The following FGF5 variants were observed in gnomAD, a reference collection of about 807,000 sequenced individuals.
FGF5 encodes the protein heparin-binding growth factor 5.
FGF5 carries 23 observed loss-of-function variants against 21.8 expected under a neutral mutation model. That is an observed-to-expected ratio of 1.05 (90% CI 0.76 to 1.49). The LOEUF (loss-of-function observed/expected upper bound fraction) is 1.49, where lower values mean the gene tolerates loss of function less well. FGF5 is among the 40% of genes most tolerant of loss of function. The pLI is 0.00. For synonymous variants in FGF5, 158 were observed against 124.0 expected (o/e 1.27, Z -1.82); for missense variants, 352 against 332.9 (o/e 1.06, Z -0.45).
rs922590042 is a variant in FGF5, at chr4:80,289,959, T to C, written c.*3287T>C. 1.4e-4 allele frequency: 21 copies of C among 152,200 alleles called. No homozygotes were observed. Among genetic ancestry groups the C allele is most frequent in the African/African-American group, 5.1e-4 (21 of 41,460 alleles). The allele number at this position is 152,200 out of a possible 1,614,324, so 9.4% of individuals were successfully genotyped here. A position where few individuals can be genotyped will look rare whatever the true frequency, so the allele number is the denominator to read the frequency against. On this transcript the variant is annotated 3_prime_UTR_variant, in exon 3 of 3. Transcript: ENST00000312465. ...ATCATAAATCTGGTAGGTAAATTTCTTATTAAATCAATCTTGAAATAGAAA... is the reference window on the plus strand; with the variant it reads ...ATCATAAATCTGGTAGGTAAATTTCCTATTAAATCAATCTTGAAATAGAAA...
chr4:80,278,306 A>G (rs1199857843), intron 2 of FGF5, among the ~76,000 whole-genome samples: 2 of 152,144 alleles, frequency 1.3e-5, no homozygotes, highest in Non-Finnish European at 2.9e-5. Context: ...TTATAGTTAA[A>G]ATTGTAAATT....
chr4:80,281,455 CT>C (rs1384340789), intron 2 of FGF5, among the ~76,000 whole-genome samples: 2 of 151,996 alleles, frequency 1.3e-5, no homozygotes, highest in South Asian at 2.1e-4. Context: ...TTATATTTGG[CT>C]TTTTTTCCCT....
At chr4:80,269,424 C>T (rs1182467461) in intron 1 of FGF5, among the ~76,000 whole-genome samples, 5 of 152,028 alleles carry the variant, frequency 3.3e-5, no homozygotes, top group Non-Finnish European at 7.4e-5. Context: ...CAGCTTAGGC[C>T]TTGCTAGAGG....
Position 80,288,341 on chromosome 4 carries a change from T to TA in FGF5, c.*1675dup, listed in dbSNP as rs1265537912. ...CACATATATATAACAAATAATATATTAAAAAACCCATCCATCAACTAAAAC... is the reference window on the plus strand; with the variant it reads ...CACATATATATAACAAATAATATATTAAAAAAACCCATCCATCAACTAAAAC... On this transcript the variant is annotated 3_prime_UTR_variant, in exon 3 of 3. Transcript: ENST00000312465. 1 of 152,028 alleles carries TA rather than the reference T, an allele frequency of 6.6e-6. No individual in the cohort carries two copies. The allele number at this position is 152,028 out of a possible 1,614,324, so 9.4% of individuals were successfully genotyped here.
chr4:80,269,161 C>T (rs35394125), intron 1 of FGF5, among the ~76,000 whole-genome samples: 1,924 of 152,094 alleles, frequency 0.013, 21 homozygotes, highest in Non-Finnish European at 0.019. Context: ...GGTGACTGTG[C>T]GCGCTGCTGT....
At position 80,287,905 on chromosome 4, in the gene FGF5, A is replaced by T. The variant is rs1720782256; in HGVS notation, c.*1233A>T. The T allele has an allele frequency of 6.6e-6, 1 of 152,184 alleles. No homozygotes were observed. The highest frequency in any genetic ancestry group is 2.1e-4 in the South Asian group (1 of 4,836). 9.4% of individuals were successfully genotyped at this position (152,184 alleles called of 1,614,324 possible). On this transcript the variant is annotated 3_prime_UTR_variant, in exon 3 of 3. Transcript: ENST00000312465. ...GTTTATTAAAAAAACTGGCCTTTTG[A>T]TAGAGGTAACTTAATTTGGGAATTT... is the stretch of plus-strand genomic sequence containing the variant.
chr4:80,268,341 C>G, intron 1 of FGF5: 1 of 337,314 alleles, frequency 3.0e-6, no homozygotes. Context: ...GTCAGGTACC[C>G]AGGGAGACCG....
At chr4:80,279,728 T>C (rs1421980968) in intron 2 of FGF5, among the ~76,000 whole-genome samples, 2 of 152,248 alleles carry the variant, frequency 1.3e-5, no homozygotes, top group South Asian at 2.1e-4. Context: ...CTTCAGTCTT[T>C]TCATAAAGTA....
intron 1 of FGF5, among the ~76,000 whole-genome samples, chr4:80,270,440 A>G (rs1720238429): frequency 6.6e-6 from 1 of 151,648 alleles, no homozygotes; most frequent in Non-Finnish European, 1.5e-5. Flanking sequence ...ATGGACTTTC[A>G]AACATAATTT....
At chr4:80,286,186 A>G in intron 2 of FGF5, 139 bp from the exon 3 acceptor site, 1 of 579,014 alleles carries the variant, frequency 1.7e-6, no homozygotes, top group Admixed American at 3.0e-5. Flanking sequence ...ATAAGCAAAC[A>G]TGTCTTTATA....
chr4:80,276,055 C>A (rs1193260267), intron 2 of FGF5, among the ~76,000 whole-genome samples: 1 of 151,870 alleles, frequency 6.6e-6, no homozygotes, highest in Non-Finnish European at 1.5e-5. Context: ...ATGTGTAAGA[C>A]TTTTATAATT....
chr4:80,281,413 A>G (rs755087794), intron 2 of FGF5, among the ~76,000 whole-genome samples: 9 of 152,188 alleles, frequency 5.9e-5, no homozygotes, highest in Non-Finnish European at 1.2e-4. Context: ...TTGTTATTTA[A>G]TAATATTAGT....
Position 80,281,087 on chromosome 4 carries a change from A to G in FGF5, c.460-5238A>G, listed in dbSNP as rs1195552685. On this transcript the variant is annotated intron_variant, in intron 2 of 2. Coordinates refer to ENST00000312465, the MANE Select transcript of FGF5 (RefSeq NM_004464.4). The stretch of plus-strand genomic sequence containing the variant: ...TGAGATATAGAAGGAACGAATGTCC[A>G]GTACCAAGCAGGAGATATGGCCGTG... Among the ~76,000 whole-genome samples the G allele has an allele frequency of 2.6e-5, 4 of 152,256 alleles. No homozygotes were observed. The East Asian group carries it at 7.7e-4, about 29-fold the overall frequency.
chr4:80,282,609 G>C (rs544879850), intron 2 of FGF5, among the ~76,000 whole-genome samples: 3 of 152,240 alleles, frequency 2.0e-5, no homozygotes, highest in Admixed American at 6.5e-5. Flanking sequence ...ATAAATTAGT[G>C]AAAAATGAAT....
chr4:80,277,050 A>T (rs1720434093), intron 2 of FGF5, among the ~76,000 whole-genome samples: 1 of 152,160 alleles, frequency 6.6e-6, no homozygotes, highest in Non-Finnish European at 1.5e-5. Context: ...GTAACATATT[A>T]CAAATGGAAG....
At chr4:80,271,283 G>A (rs757431759) in intron 1 of FGF5, among the ~76,000 whole-genome samples, 8 of 151,550 alleles carry the variant, frequency 5.3e-5, no homozygotes, top group South Asian at 2.1e-4. Context: ...TTTTTTTTAC[G>A]GAAGTAAGCT....
chr4:80,271,148 A>G (rs766650741), intron 1 of FGF5, among the ~76,000 whole-genome samples: 1 of 152,216 alleles, frequency 6.6e-6, no homozygotes, highest in Non-Finnish European at 1.5e-5. Flanking sequence ...GTGCTTTTCT[A>G]TATTTTATTC....
rs147750874 is a variant in FGF5, at chr4:80,267,049, G to A, written c.225G>A (p.Glu75=). The change falls in exon 1 of 3, where the codon GAG becomes GAA. Residue 75 remains glutamate, a synonymous_variant. Coordinates refer to ENST00000312465, the MANE Select transcript of FGF5 (RefSeq NM_004464.4). The part of the protein sequence containing the change: ...ASLGSQGSGL[E]QSSFQWSPSG... ...TGGGCAGCCAAGGAAGTGGCTTGGA[G>A]CAGAGCAGTTTCCAGTGGAGCCCCT... The A allele has an allele frequency of 1.7e-3, 2,684 of 1,614,256 alleles. 5 individuals carry two copies. Among genetic ancestry groups the A allele is most frequent in the Non-Finnish European group, 2.0e-3 (2,305 of 1,180,044 alleles).
At position 80,290,408 on chromosome 4, in the gene FGF5, G is replaced by A; in HGVS notation, c.*3736G>A. Reference sequence around the variant, plus strand: ...AAGATTATATGATTAGGTATTAGCAGAGACAAAGAGTTACCTCCTCCATCT... The same window carrying A: ...AAGATTATATGATTAGGTATTAGCAAAGACAAAGAGTTACCTCCTCCATCT... On this transcript the variant is annotated 3_prime_UTR_variant, in exon 3 of 3. Transcript: ENST00000312465. The A allele has an allele frequency of 6.6e-6, 1 of 152,098 alleles. No homozygotes were observed. The highest frequency in any genetic ancestry group is 1.9e-4 in the East Asian group (1 of 5,186). 9.4% of individuals were successfully genotyped at this position (152,098 alleles called of 1,614,324 possible).
Sources: gnomAD v4.1 joint callset for allele counts (sites outside exome capture counted in the v4.1 genomes callset) on GRCh38, gnomAD v4.1.1 for gene constraint, MANE v1.5 for transcripts, NCBI Gene and HGNC (gene_info 2026-07-23, HGNC 2026-07-21) for gene names.